NFATC2: variants seen among roughly 807,000 people sequenced by gnomAD.
NFATC2 encodes nuclear factor of activated T cells 2, also known as nuclear factor of activated T-cells, cytoplasmic 2.
A neutral mutation model predicts 87.3 loss-of-function variants in NFATC2; 22 were observed. That is an observed-to-expected ratio of 0.25 (90% CI 0.18 to 0.36). The LOEUF (loss-of-function observed/expected upper bound fraction) is 0.36. Ranked by LOEUF, NFATC2 falls within the 10% of genes least tolerant of loss-of-function variation. The pLI is 1.00. For synonymous variants in NFATC2, 565 were observed against 542.2 expected (o/e 1.04, Z -0.58); for missense variants, 1,149 against 1,259.1 (o/e 0.91, Z 1.32).
intron 8 of NFATC2, 135 bp downstream of exon 8, chr20:51,435,053 G>C: frequency 2.7e-6 from 3 of 1,092,000 alleles, no homozygotes; most frequent in Non-Finnish European, 4.0e-6. Flanking sequence ...CTGTCTCACA[G>C]ATGATGCAAC....
chr20:51,400,251 A>G (rs1987856241), intron 9 of NFATC2, among the ~76,000 whole-genome samples: 3 of 152,192 alleles, frequency 2.0e-5, no homozygotes, highest in African/African-American at 4.8e-5. Flanking sequence ...TTCTGTAATG[A>G]CCAACACGTT....
chr20:51,520,591 G>A (rs1032605053), intron 2 of NFATC2, among the ~76,000 whole-genome samples: 8 of 151,424 alleles, frequency 5.3e-5, no homozygotes, highest in Admixed American at 5.3e-4. Context: ...AAGCAGGAAG[G>A]AAAGAAAAAG....
intron 3 of NFATC2, among the ~76,000 whole-genome samples, chr20:51,488,170 C>G (rs1008897771): frequency 6.6e-6 from 1 of 152,192 alleles, no homozygotes; most frequent in African/African-American, 2.4e-5. Flanking sequence ...GTCATTCACG[C>G]AGCAAAGTGC....
chr20:51,389,606 T>C lies in NFATC2; in HGVS notation c.*1890A>G, dbSNP rs1986107646. On this transcript the variant is annotated 3_prime_UTR_variant, in exon 11 of 11. Coordinates refer to ENST00000371564, the MANE Select transcript of NFATC2 (RefSeq NM_012340.5). Reference sequence around the variant, plus strand: ...TAAAAGAGAATTTTGCTAAACTCTTTGAGCTTAGGGTGGGTGAGGGAAAGG... The same window carrying C: ...TAAAAGAGAATTTTGCTAAACTCTTCGAGCTTAGGGTGGGTGAGGGAAAGG... 1 of 152,192 alleles carries C rather than the reference T, an allele frequency of 6.6e-6. No homozygotes were observed. Among genetic ancestry groups the C allele is most frequent in the Non-Finnish European group, 1.5e-5 (1 of 68,030 alleles). 9.4% of individuals were successfully genotyped at this position (152,192 alleles called of 1,614,324 possible). A position where few individuals can be genotyped will look rare whatever the true frequency, so the allele number is the denominator to read the frequency against.
At chr20:51,424,986 T>C (rs1329690044) in intron 9 of NFATC2, among the ~76,000 whole-genome samples, 1 of 152,100 alleles carries the variant, frequency 6.6e-6, no homozygotes, top group Non-Finnish European at 1.5e-5. Flanking sequence ...TGCAAAGGGC[T>C]ATGGTACATG....
chr20:51,540,089 C>A (rs2146795971), intron 1 of NFATC2, among the ~76,000 whole-genome samples: 2 of 152,346 alleles, frequency 1.3e-5, no homozygotes, highest in Middle Eastern at 6.8e-3. Flanking sequence ...ACCTGCCTCA[C>A]TGCAACTTCT....
intron 3 of NFATC2, among the ~76,000 whole-genome samples, chr20:51,497,853 C>G (rs2146611624): frequency 6.6e-6 from 1 of 152,174 alleles, no homozygotes; most frequent in Admixed American, 6.5e-5. Context: ...AGCATTAGTT[C>G]AAAGTTAAAG....
intron 6 of NFATC2, among the ~76,000 whole-genome samples, chr20:51,449,072 T>G (rs1261317366): frequency 6.6e-6 from 1 of 152,128 alleles, no homozygotes; most frequent in Non-Finnish European, 1.5e-5. Context: ...GAGCTGGTGG[T>G]GCCGATGACC....
intron 1 of NFATC2, among the ~76,000 whole-genome samples, chr20:51,560,147 T>A (rs1273995009): frequency 6.6e-6 from 1 of 152,224 alleles, no homozygotes; most frequent in Non-Finnish European, 1.5e-5. Context: ...GAGCATTGAC[T>A]ATGACCAAGA....
chr20:51,531,627 G>A (rs1265843082), intron 1 of NFATC2, among the ~76,000 whole-genome samples: 1 of 152,156 alleles, frequency 6.6e-6, no homozygotes, highest in East Asian at 1.9e-4. Flanking sequence ...GTGAGACTTG[G>A]GGAAACTCCA....
intron 6 of NFATC2, among the ~76,000 whole-genome samples, chr20:51,448,793 G>A (rs1447040721): frequency 6.6e-6 from 1 of 152,204 alleles, no homozygotes. Flanking sequence ...GGCAGGGAGA[G>A]AGTCAAAAAA....
rs1420956322 is a variant in NFATC2 at position 51,390,316 on chromosome 20, AG to A, written c.*1179del. ...TCCTGAGCTCGGCTGTCCCACTTAG[AG>A]GGAATTCAGCCCTTTTCCTCTATCT... is the stretch of plus-strand genomic sequence containing the variant. On this transcript the variant is annotated 3_prime_UTR_variant, in exon 11 of 11. Transcript: ENST00000371564. 1.3e-5 allele frequency: 2 copies of A among 152,246 alleles called. No individual in the cohort carries two copies. The highest frequency in any genetic ancestry group is 2.9e-5 in the Non-Finnish European group (2 of 68,044). The allele number at this position is 152,246 out of a possible 1,614,324, so 9.4% of individuals were successfully genotyped here. A position where few individuals can be genotyped will look rare whatever the true frequency, so the allele number is the denominator to read the frequency against.
At chr20:51,447,809 T>C (rs968408444) in intron 6 of NFATC2, among the ~76,000 whole-genome samples, 1 of 152,218 alleles carries the variant, frequency 6.6e-6, no homozygotes, top group African/African-American at 2.4e-5. Flanking sequence ...AAGACCCTGA[T>C]TGTTCTGTTT....
Position 51,480,068 on chromosome 20 carries a change from A to T in NFATC2, c.1333-4408T>A, listed in dbSNP as rs1422010100. On this transcript the variant is annotated intron_variant, in intron 3 of 10. Coordinates refer to ENST00000371564, the MANE Select transcript of NFATC2 (RefSeq NM_012340.5). The surrounding 1 kb of genome is among the most constrained non-coding windows in gnomAD (Gnocchi z 4.2). ...TTTGGGAGGCTGAGGTGGGCAGATCACTTGACGTCAGGAGTTCAAGACCAG... is the reference window on the plus strand; with the variant it reads ...TTTGGGAGGCTGAGGTGGGCAGATCTCTTGACGTCAGGAGTTCAAGACCAG... Among the ~76,000 whole-genome samples the T allele has an allele frequency of 6.6e-6, 1 of 152,128 alleles. No homozygotes were observed. The highest frequency in any genetic ancestry group is 1.5e-5 in the Non-Finnish European group (1 of 68,024).
At position 51,387,290 on chromosome 20, in the gene NFATC2, A is replaced by C. The variant is rs988673819; in HGVS notation, c.*4206T>G. The C allele has an allele frequency of 6.6e-6, 1 of 152,250 alleles. No individual in the cohort carries two copies. The highest frequency in any genetic ancestry group is 1.5e-5 in the Non-Finnish European group (1 of 68,054). The allele number at this position is 152,250 out of a possible 1,614,324, so 9.4% of individuals were successfully genotyped here. On this transcript the variant is annotated 3_prime_UTR_variant, in exon 11 of 11. Coordinates refer to ENST00000371564, the MANE Select transcript of NFATC2 (RefSeq NM_012340.5). ...CCTCGGTCTGCTCAGGCCAATCAGA[A>C]TGCTGTGAGCACCTGCTCTAATGGA...
intron 3 of NFATC2, among the ~76,000 whole-genome samples, chr20:51,489,968 G>A (rs2075854444): frequency 2.0e-5 from 3 of 152,210 alleles, no homozygotes; most frequent in South Asian, 4.1e-4. Flanking sequence ...TCTGGTTTCC[G>A]AATTGCTTTT....
intron 9 of NFATC2, among the ~76,000 whole-genome samples, chr20:51,400,641 C>T (rs866255503): frequency 6.6e-6 from 1 of 152,174 alleles, no homozygotes. Flanking sequence ...TTGTGGAAGA[C>T]AGAGGCAGGG....
At chr20:51,477,535 C>CTCTATATATA (rs1400090340) in intron 3 of NFATC2, among the ~76,000 whole-genome samples, 7 of 72,734 alleles carry the variant, frequency 9.6e-5, no homozygotes, top group African/African-American at 3.5e-4. Context: ...GTGTGTGTGT[C>CTCTATATATA]TATATATATA....
chr20:51,463,358 G>C (rs1987347277), intron 5 of NFATC2, among the ~76,000 whole-genome samples: 1 of 152,234 alleles, frequency 6.6e-6, no homozygotes, highest in Non-Finnish European at 1.5e-5. Context: ...TGACAAAGTT[G>C]TAGCTGTGGG....
Sources: allele counts gnomAD v4.1 joint callset (sites outside exome capture counted in the v4.1 genomes callset), GRCh38; gene constraint gnomAD v4.1.1; non-coding constraint Gnocchi (gnomAD v3.1); transcripts MANE v1.5; gene names NCBI Gene and HGNC (gene_info 2026-07-23, HGNC 2026-07-21).